Variants in GRIP1 observed in about 807,000 individuals in gnomAD.
GRIP1 encodes the protein glutamate receptor interacting protein 1.
Under a neutral mutation model 129.9 loss-of-function variants are expected in GRIP1, and 45 were observed. That is an observed-to-expected ratio of 0.35 (90% confidence interval 0.27 to 0.44). The LOEUF is 0.44. Ranked by LOEUF, GRIP1 falls within the 20% of genes least tolerant of loss-of-function variation. GRIP1 has a pLI of 1.00. For synonymous variants in GRIP1, 530 were observed against 520.8 expected, an observed-to-expected ratio of 1.02 and a Z score of -0.24; for missense variants, 1,196 against 1,396.8, an observed-to-expected ratio of 0.86 and a Z score of 2.29.
chr12:66,757,278 C>T (rs952705268), intron 1 of GRIP1, among the ~76,000 whole-genome samples: 3 of 152,062 alleles, frequency 2.0e-5, no homozygotes, highest in East Asian at 1.9e-4. Context: ...AACCACCTCA[C>T]GTGAGTTGGA....
chr12:66,411,771 T>C (rs1399609924), intron 15 of GRIP1, among the ~76,000 whole-genome samples: 2 of 152,194 alleles, frequency 1.3e-5, no homozygotes, highest in East Asian at 1.9e-4. Flanking sequence ...GAATAGCCAG[T>C]TTAGTGACAA....
chr12:66,938,867 G>A (rs902335319), intron 1 of GRIP1, among the ~76,000 whole-genome samples: 10 of 152,158 alleles, frequency 6.6e-5, no homozygotes, highest in African/African-American at 2.4e-4. Flanking sequence ...TGAGGCAGGA[G>A]AATTGCTTGA....
At chr12:66,401,629 C>A (rs1184390227) in intron 16 of GRIP1, among the ~76,000 whole-genome samples, 1 of 142,640 alleles carries the variant, frequency 7.0e-6, no homozygotes, top group African/African-American at 2.7e-5. Flanking sequence ...CACACACACA[C>A]ACACACACAC....
intron 1 of GRIP1, among the ~76,000 whole-genome samples, chr12:66,747,446 A>G (rs1294008231): frequency 6.6e-6 from 1 of 152,246 alleles, no homozygotes; most frequent in Non-Finnish European, 1.5e-5. Context: ...AATGTAAGTT[A>G]CATCTGCTAA....
In GRIP1 at chr12:66,420,764, G is replaced by T. The variant is rs371673578; in HGVS notation, c.1794C>A (p.Asp598Glu). Residue 598 changes from aspartate to glutamate, a missense_variant, in exon 15 of 25, where the codon GAC (aspartate) becomes GAA (glutamate). This residue lies in a region of GRIP1 where 508 missense variants were observed against 587.0 expected (regional missense o/e 0.87). Coordinates refer to ENST00000359742, the MANE Select transcript of GRIP1 (RefSeq NM_001366722.1). ...TCTTGATATCTGAAATGACGAGGGG[G>T]TCTCCTGGTTTTCTACTGGATGGTG... Reference protein sequence around the residue: ...ISSPSSRKPGDPLVISDIKKG... With the variant: ...ISSPSSRKPGEPLVISDIKKG... 7.2e-5 allele frequency: 115 copies of T among 1,587,246 alleles called. No individual in the cohort carries two copies. Among genetic ancestry groups the T allele is most frequent in the African/African-American group, 1.9e-4 (14 of 74,484 alleles).
At chr12:67,043,278 G>C (rs1380442156) in intron 1 of GRIP1, among the ~76,000 whole-genome samples, 1 of 152,182 alleles carries the variant, frequency 6.6e-6, no homozygotes, top group African/African-American at 2.4e-5. Context: ...GGAGCCTGCT[G>C]ATAGGAGGAA....
intron 16 of GRIP1, among the ~76,000 whole-genome samples, chr12:66,397,110 C>CAAAAAAAA (rs71436004): frequency 1.2e-4 from 7 of 60,180 alleles, no homozygotes; most frequent in Admixed American, 2.8e-4. Context: ...GACTCTGTCT[C>CAAAAAAAA]AAAAAAAAAA....
intron 14 of GRIP1, among the ~76,000 whole-genome samples, chr12:66,429,346 G>C (rs866921673): frequency 6.6e-6 from 1 of 152,170 alleles, no homozygotes; most frequent in African/African-American, 2.4e-5. Context: ...TGTCTGAGAA[G>C]AGGGTTCCCA....
At chr12:66,902,081 A>G (rs1345588627) in intron 1 of GRIP1, among the ~76,000 whole-genome samples, 1 of 152,148 alleles carries the variant, frequency 6.6e-6, no homozygotes, top group Non-Finnish European at 1.5e-5. Context: ...AAAGCAATTA[A>G]TATTTTTCAC....
rs566261976 is a variant in GRIP1, at chr12:67,030,004, T to C, written c.58+39046A>G. 2.0e-3 allele frequency among the ~76,000 whole-genome samples: 298 copies of C among 146,376 alleles called. 1 individual carries two copies. Among genetic ancestry groups the C allele is most frequent in the African/African-American group, 6.8e-3 (268 of 39,232 alleles). The stretch of plus-strand genomic sequence containing the variant: ...TCACGAGGTCAGGAGATGGAGACCA[T>C]CCTGGATAACATGATGAAACCCCGT... On this transcript the variant is annotated intron_variant, in intron 1 of 1. Transcript: ENST00000643019.
At chr12:66,555,613 C>G (rs1288903430) in intron 2 of GRIP1, among the ~76,000 whole-genome samples, 1 of 152,048 alleles carries the variant, frequency 6.6e-6, no homozygotes, top group Non-Finnish European at 1.5e-5. Flanking sequence ...GCTATGTAAC[C>G]TTTCAGAGAG....
intron 14 of GRIP1, among the ~76,000 whole-genome samples, chr12:66,424,497 A>G (rs2057916925): frequency 6.6e-6 from 1 of 152,048 alleles, no homozygotes; most frequent in Non-Finnish European, 1.5e-5. Context: ...TTTACTTTCT[A>G]TTATGAAAGA....
At chr12:66,471,656 G>A (rs187488805) in intron 7 of GRIP1, among the ~76,000 whole-genome samples, 2 of 152,306 alleles carry the variant, frequency 1.3e-5, no homozygotes, top group African/African-American at 4.8e-5. Flanking sequence ...AGTCTCTATG[G>A]TGGAAATAAA....
chr12:66,800,018 T>C (rs764488694), intron 1 of GRIP1, among the ~76,000 whole-genome samples: 28 of 152,184 alleles, frequency 1.8e-4, no homozygotes, highest in Non-Finnish European at 3.8e-4. Flanking sequence ...TAACTAGGAA[T>C]TGTAAATGCA....
chr12:66,647,542 A>G (rs1358385457), intron 1 of GRIP1, among the ~76,000 whole-genome samples: 4 of 152,216 alleles, frequency 2.6e-5, no homozygotes, highest in African/African-American at 4.8e-5. Context: ...AGGCTTGTTC[A>G]TGGTCCTCCT....
chr12:66,665,473 A>G (rs1481524680), intron 1 of GRIP1, among the ~76,000 whole-genome samples: 2 of 152,172 alleles, frequency 1.3e-5, no homozygotes, highest in Non-Finnish European at 2.9e-5. Flanking sequence ...TCCTCCCTGA[A>G]GTTAACCACC....
chr12:66,836,326 A>C (rs1054495119), intron 1 of GRIP1, among the ~76,000 whole-genome samples: 10 of 152,084 alleles, frequency 6.6e-5, no homozygotes, highest in African/African-American at 1.9e-4. Context: ...TGCTTCCCCC[A>C]GGCCTTAACT....
chr12:67,016,435 G>A (rs562320405), intron 1 of GRIP1, among the ~76,000 whole-genome samples: 1 of 152,242 alleles, frequency 6.6e-6, no homozygotes, highest in African/African-American at 2.4e-5. Flanking sequence ...TTTTTCATAT[G>A]TATTCAATTT....
intron 2 of GRIP1, among the ~76,000 whole-genome samples, chr12:66,558,171 C>T (rs1255721672): frequency 1.3e-5 from 2 of 152,000 alleles, no homozygotes; most frequent in Non-Finnish European, 2.9e-5. Flanking sequence ...TATATTAGTC[C>T]GTTTTCATGC....
Sources: gnomAD v4.1 joint callset for allele counts (sites outside exome capture counted in the v4.1 genomes callset) on GRCh38, gnomAD v4.1.1 for gene constraint, gnomAD v4.1.1 regional missense constraint, MANE v1.5 for transcripts, NCBI Gene and HGNC (gene_info 2026-07-23, HGNC 2026-07-21) for gene names.